Variants in ANO6 observed in about 807,000 individuals in gnomAD.
ANO6 encodes the protein anoctamin-6.
In ANO6, 106 loss-of-function variants were observed where a neutral mutation model predicts 117.5. The ratio of observed to expected loss-of-function variants is 0.90; its 90% CI spans 0.77 to 1.06. The LOEUF is 1.06. Ranked by LOEUF, ANO6 falls within the 50% of genes least tolerant of loss-of-function variation. ANO6 has a pLI of 0.00. For synonymous variants in ANO6, 367 were observed against 385.1 expected (o/e 0.95, Z 0.55); for missense variants, 955 against 1,121.1 (o/e 0.85, Z 2.12).
intron 3 of ANO6, among the ~76,000 whole-genome samples, chr12:45,345,420 ATCATGAGTATTGTT>A (rs1166149310): frequency 7.2e-5 from 11 of 152,088 alleles, no homozygotes; most frequent in Admixed American, 4.6e-4. Context: ...GAGTGGGCAG[ATCATGAGTATTGTT>A]CCCTGGGTAA....
chr12:45,274,656 T>C (rs1457933680), intron 1 of ANO6, among the ~76,000 whole-genome samples: 1 of 151,682 alleles, frequency 6.6e-6, no homozygotes, highest in Admixed American at 6.6e-5. Flanking sequence ...CTACAAACAG[T>C]ATAAAATTCA....
chr12:45,383,934 T>C (rs951574831), intron 10 of ANO6, among the ~76,000 whole-genome samples: 3 of 152,242 alleles, frequency 2.0e-5, no homozygotes, highest in Non-Finnish European at 4.4e-5. Context: ...AAGCCAGGCG[T>C]TGACTTCTCT....
chr12:45,434,891 C>T (rs1448880820), downstream of ANO6, among the ~76,000 whole-genome samples: 1 of 152,184 alleles, frequency 6.6e-6, no homozygotes, highest in African/African-American at 2.4e-5. Context: ...AACACTCACC[C>T]TTCATTAATA....
At chr12:45,222,029 C>T (rs768093026) in intron 1 of ANO6, among the ~76,000 whole-genome samples, 7 of 151,748 alleles carry the variant, frequency 4.6e-5, no homozygotes, top group Non-Finnish European at 1.0e-4. Context: ...CTACAGGCCC[C>T]CGCCACCACA....
chr12:45,427,525 T>A (rs1443049620), intron 19 of ANO6, among the ~76,000 whole-genome samples: 1 of 152,172 alleles, frequency 6.6e-6, no homozygotes, highest in Non-Finnish European at 1.5e-5. Context: ...TCCAGACTAA[T>A]CTACAGAAGA....
At chr12:45,419,694 A>G (rs1234004652) in intron 17 of ANO6, among the ~76,000 whole-genome samples, 2 of 152,178 alleles carry the variant, frequency 1.3e-5, no homozygotes, top group Admixed American at 6.5e-5. Context: ...ATCAATGACA[A>G]TCATTTAGCT....
At chr12:45,294,735 G>A (rs762048443) in intron 1 of ANO6, among the ~76,000 whole-genome samples, 5 of 152,092 alleles carry the variant, frequency 3.3e-5, no homozygotes, top group Admixed American at 6.6e-5. Context: ...AACCAACATT[G>A]CCCAGAACGT....
At chr12:45,350,812 C>A in intron 7 of ANO6, 38 bp downstream of exon 7, 1 of 1,501,550 alleles carries the variant, frequency 6.7e-7, no homozygotes, top group Non-Finnish European at 9.2e-7. Flanking sequence ...GGGAGGCACT[C>A]AGGGTGTTAC....
intron 1 of ANO6, 42 bp downstream of exon 1, chr12:45,216,433 C>G (rs765020329): frequency 1.9e-6 from 3 of 1,596,774 alleles, no homozygotes; most frequent in Non-Finnish European, 1.7e-6. Flanking sequence ...GAGCCCGAGC[C>G]GACGCGGGAA....
At chr12:45,376,998 T>C (rs1376759076) in intron 9 of ANO6, among the ~76,000 whole-genome samples, 1 of 152,188 alleles carries the variant, frequency 6.6e-6, no homozygotes, top group East Asian at 1.9e-4. Flanking sequence ...AGAATGTCGC[T>C]ATTCTTTTAT....
At chr12:45,247,411 C>A (rs2137179689) in intron 1 of ANO6, among the ~76,000 whole-genome samples, 1 of 152,196 alleles carries the variant, frequency 6.6e-6, no homozygotes, top group South Asian at 2.1e-4. Context: ...GTTATATTAC[C>A]CATTTTTGGT....
chr12:45,281,753 A>C (rs187352364), intron 1 of ANO6, among the ~76,000 whole-genome samples: 69 of 152,322 alleles, frequency 4.5e-4, no homozygotes, highest in Admixed American at 4.4e-3. Context: ...CCCATTACAG[A>C]AATAACATCT....
intron 1 of ANO6, among the ~76,000 whole-genome samples, chr12:45,238,385 A>G (rs1220065916): frequency 1.3e-5 from 2 of 152,048 alleles, no homozygotes; most frequent in Admixed American, 1.3e-4. Flanking sequence ...TCCCAACCTC[A>G]GGTGATCTGC....
chr12:45,284,478 G>A (rs1405320624), intron 1 of ANO6, among the ~76,000 whole-genome samples: 3 of 152,180 alleles, frequency 2.0e-5, no homozygotes, highest in Admixed American at 2.0e-4. Context: ...GGCAGGAGAA[G>A]GTCAGAGAAA....
intron 1 of ANO6, among the ~76,000 whole-genome samples, chr12:45,258,045 G>GA (rs1013406174): frequency 9.9e-5 from 15 of 151,878 alleles, no homozygotes; most frequent in South Asian, 6.2e-4. Context: ...TGAGAATAAA[G>GA]AAAAAAAATG....
At chr12:45,269,558 G>C (rs1211234357) in intron 1 of ANO6, among the ~76,000 whole-genome samples, 1 of 152,180 alleles carries the variant, frequency 6.6e-6, no homozygotes, top group East Asian at 1.9e-4. Flanking sequence ...ATTACTGTTT[G>C]TTTAGTTCAC....
intron 2 of ANO6, among the ~76,000 whole-genome samples, chr12:45,320,307 T>C (rs1364942927): frequency 6.6e-6 from 1 of 152,198 alleles, no homozygotes; most frequent in Non-Finnish European, 1.5e-5. Flanking sequence ...CCAGAGATTC[T>C]GGTATGTTGT....
intron 1 of ANO6, among the ~76,000 whole-genome samples, chr12:45,221,518 T>A (rs1947398699): frequency 6.6e-6 from 1 of 152,140 alleles, no homozygotes; most frequent in Admixed American, 6.5e-5. Context: ...TGGGTTTTAC[T>A]CTGTATGTGA....
At chr12:45,287,268 C>T (rs138027544) in intron 1 of ANO6, among the ~76,000 whole-genome samples, 6 of 152,242 alleles carry the variant, frequency 3.9e-5, no homozygotes, top group South Asian at 2.1e-4. Context: ...AGGCCGAGTG[C>T]GCAGTGTAAT....
Sources: allele counts gnomAD v4.1 joint callset (sites outside exome capture counted in the v4.1 genomes callset), GRCh38; gene constraint gnomAD v4.1.1; transcripts MANE v1.5; gene names NCBI Gene and HGNC (gene_info 2026-07-23, HGNC 2026-07-21).